SLC6A11: variants seen among roughly 807,000 people sequenced by gnomAD.
The protein encoded by SLC6A11 is solute carrier family 6 member 11, also known as sodium- and chloride-dependent GABA transporter 3.
A neutral mutation model predicts 74.8 loss-of-function variants in SLC6A11; 25 were observed. The observed-to-expected ratio is 0.33, with a 90% CI of 0.24 to 0.47. The LOEUF (loss-of-function observed/expected upper bound fraction) is 0.47. Ranked by LOEUF, SLC6A11 falls within the 20% of genes least tolerant of loss-of-function variation. The pLI is 1.00. For synonymous variants in SLC6A11, 330 were observed against 330.2 expected (o/e 1.00, Z 0.01); for missense variants, 574 against 837.0 (o/e 0.69, Z 3.88).
intron 5 of SLC6A11, among the ~76,000 whole-genome samples, chr3:10,870,850 G>A (rs1251976262): frequency 6.6e-6 from 1 of 152,166 alleles, no homozygotes; most frequent in African/African-American, 2.4e-5. Context: ...GCTAATGCCT[G>A]CCAGCCAGTG....
intron 6 of SLC6A11, among the ~76,000 whole-genome samples, chr3:10,898,835 G>C (rs879688542): frequency 5.3e-5 from 8 of 152,210 alleles, no homozygotes; most frequent in Admixed American, 5.2e-4. Context: ...TACTGTATTA[G>C]TCCATTTTCA....
intron 4 of SLC6A11, among the ~76,000 whole-genome samples, chr3:10,831,598 G>A (rs1419937412): frequency 6.6e-6 from 1 of 152,158 alleles, no homozygotes; most frequent in Admixed American, 6.5e-5. Flanking sequence ...CCAGGAGTGG[G>A]ACTCGGGGGT....
At chr3:10,871,906 G>C (rs563528416) in intron 5 of SLC6A11, among the ~76,000 whole-genome samples, 2 of 152,222 alleles carry the variant, frequency 1.3e-5, no homozygotes, top group East Asian at 3.9e-4. Flanking sequence ...TTGCAGAACA[G>C]AGACATTGTC....
At chr3:10,837,769 AG>A (rs1251947961) in intron 4 of SLC6A11, among the ~76,000 whole-genome samples, 1 of 152,162 alleles carries the variant, frequency 6.6e-6, no homozygotes, top group Non-Finnish European at 1.5e-5. Flanking sequence ...ATTCCTGCAG[AG>A]GAGGCCTGGC....
chr3:10,904,348 G>C (rs1695276725), intron 6 of SLC6A11, among the ~76,000 whole-genome samples: 1 of 152,158 alleles, frequency 6.6e-6, no homozygotes, highest in African/African-American at 2.4e-5. Context: ...CCTTGAAAGA[G>C]GTGAGGTTGC....
At chr3:10,865,424 G>C (rs893817577) in intron 5 of SLC6A11, among the ~76,000 whole-genome samples, 1 of 152,220 alleles carries the variant, frequency 6.6e-6, no homozygotes, top group Non-Finnish European at 1.5e-5. Context: ...AGCACTTTGG[G>C]AGGCCGAGGT....
intron 7 of SLC6A11, among the ~76,000 whole-genome samples, chr3:10,916,064 G>T (rs1695449964): frequency 6.6e-6 from 1 of 152,180 alleles, no homozygotes; most frequent in Non-Finnish European, 1.5e-5. Context: ...GAATGGAGAG[G>T]CTGTAGACAA....
At chr3:10,850,656 A>G (rs1037992286) in intron 5 of SLC6A11, among the ~76,000 whole-genome samples, 34 of 152,190 alleles carry the variant, frequency 2.2e-4, no homozygotes, top group African/African-American at 7.7e-4. Flanking sequence ...CTTGTGCGGC[A>G]AAGTAAAGGC....
chr3:10,818,047 T>A (rs564356237), intron 1 of SLC6A11, among the ~76,000 whole-genome samples: 1 of 150,968 alleles, frequency 6.6e-6, no homozygotes, highest in Admixed American at 6.6e-5. Flanking sequence ...TAAATTGGGT[T>A]AATTACAAAT....
chr3:10,836,531 A>G (rs1694369446), intron 4 of SLC6A11, among the ~76,000 whole-genome samples: 1 of 152,186 alleles, frequency 6.6e-6, no homozygotes, highest in Non-Finnish European at 1.5e-5. Flanking sequence ...TGACTTTTTG[A>G]TTATAGCTAT....
intron 7 of SLC6A11, among the ~76,000 whole-genome samples, chr3:10,913,883 C>T (rs561267961): frequency 2.2e-4 from 34 of 152,048 alleles, no homozygotes; most frequent in East Asian, 1.2e-3. Context: ...TTAGTAGAGA[C>T]GGGGTTTCAC....
At chr3:10,931,711 G>GCTAGATGGGGCCCATA (rs1433265254) in intron 10 of SLC6A11, among the ~76,000 whole-genome samples, 1 of 152,254 alleles carries the variant, frequency 6.6e-6, no homozygotes, top group Non-Finnish European at 1.5e-5. Context: ...GAGGTGTGTA[G>GCTAGATGGGGCCCATA]CTAGATGGGG....
chr3:10,829,064 C>A (rs990330139), intron 4 of SLC6A11, among the ~76,000 whole-genome samples: 13 of 152,216 alleles, frequency 8.5e-5, no homozygotes, highest in African/African-American at 3.1e-4. Context: ...CCTGAACACC[C>A]ACCTGCAAGG....
At chr3:10,873,494 G>GCTATCCTATCCTATCCTATC (rs1694859079) in intron 5 of SLC6A11, among the ~76,000 whole-genome samples, 1 of 84,372 alleles carries the variant, frequency 1.2e-5, no homozygotes, top group Non-Finnish European at 2.2e-5. Context: ...CCTACCCTAT[G>GCTATCCTATCCTATCCTATC]CTATCCTATC....
At chr3:10,825,329 A>T (rs1414305465) in intron 4 of SLC6A11, 2 of 152,020 alleles carry the variant, frequency 1.3e-5, no homozygotes, top group Non-Finnish European at 2.9e-5. Context: ...TTAAATTCAC[A>T]TTTCTCTAAT....
rs73035877 is a variant in SLC6A11, at chr3:10,816,826, G to C, written c.256+305G>C. ...GCCCTTGCTTTGGGTAGGCGCCCTG[G>C]TGTTTCGGGCACTTGGCCCCTTGGA... On this transcript the variant is annotated intron_variant, in intron 1 of 13. Coordinates refer to ENST00000254488, the MANE Select transcript of SLC6A11 (RefSeq NM_014229.3). The surrounding 1 kb of genome is among the most constrained non-coding windows in gnomAD (Gnocchi z 4.2). Among the ~76,000 whole-genome samples the C allele has an allele frequency of 0.071, 10,808 of 152,328 alleles. 500 individuals are homozygous for C. The highest frequency in any genetic ancestry group is 0.13 in the African/African-American group (5,254 of 41,574).
At chr3:10,827,487 C>T (rs73113815) in intron 4 of SLC6A11, among the ~76,000 whole-genome samples, 23,879 of 152,148 alleles carry the variant, frequency 0.16, 2,180 homozygotes, top group Admixed American at 0.27. Context: ...CAAAAACATT[C>T]CTTCACCTCT....
rs758050363 is a variant in SLC6A11 at position 10,933,135 on chromosome 3, G to A, written c.1372-16G>A. The A allele has an allele frequency of 1.3e-6, 2 of 1,599,426 alleles. No individual in the cohort carries two copies. Among genetic ancestry groups the A allele is most frequent in the East Asian group, 2.2e-5 (1 of 44,798 alleles). ...CCGTTCACCTCCCATCCGTGTGTCT[G>A]TTCCCCGACCTGCAGGGTGGCATGT... On this transcript the variant is annotated splice_polypyrimidine_tract_variant and intron_variant, in intron 10 of 13. Coordinates refer to ENST00000254488, the MANE Select transcript of SLC6A11 (RefSeq NM_014229.3).
At chr3:10,924,845 A>G (rs1695581653) in intron 8 of SLC6A11, among the ~76,000 whole-genome samples, 1 of 152,348 alleles carries the variant, frequency 6.6e-6, no homozygotes, top group South Asian at 2.1e-4. Flanking sequence ...TCAAGTGTTG[A>G]CAAGGATGTG....
Sources: allele counts gnomAD v4.1 joint callset (sites outside exome capture counted in the v4.1 genomes callset), GRCh38; gene constraint gnomAD v4.1.1; non-coding constraint Gnocchi (gnomAD v3.1); transcripts MANE v1.5; gene names NCBI Gene and HGNC (gene_info 2026-07-23, HGNC 2026-07-21).